Variants in AGBL3 observed in about 807,000 individuals in gnomAD.
The protein encoded by AGBL3 is cytosolic carboxypeptidase 3.
In AGBL3, 68 loss-of-function variants were observed where a neutral mutation model predicts 94.5. That is an observed-to-expected ratio of 0.72 (90% CI 0.59 to 0.88). The LOEUF (loss-of-function observed/expected upper bound fraction) is 0.88, where lower values mean the gene tolerates loss of function less well. Ranked by LOEUF, AGBL3 falls within the 40% of genes least tolerant of loss-of-function variation. The pLI is 0.00. For synonymous variants in AGBL3, 354 were observed against 370.7 expected (o/e 0.95, Z 0.52); for missense variants, 934 against 1,103.8 (o/e 0.85, Z 2.18).
rs376054808 is a variant in AGBL3 at position 135,035,240 on chromosome 7, C to G, written c.1337+312C>G. 1.4e-4 allele frequency among the ~76,000 whole-genome samples: 22 copies of G among 151,980 alleles called. No homozygotes were observed. In the South Asian group the frequency reaches 4.1e-3, roughly 29 times the overall value. On this transcript the variant is annotated intron_variant, in intron 7 of 16. Transcript: ENST00000436302. ...GGCTTCTTGCTAAAGATAATGGTAG[C>G]ACTGATGTTTAAAATAATTTTTTTA...
intron 11 of AGBL3, among the ~76,000 whole-genome samples, chr7:135,049,242 T>C (rs1332403829): frequency 6.6e-6 from 1 of 152,008 alleles, no homozygotes; most frequent in East Asian, 1.9e-4. Context: ...TTTGCATATA[T>C]TGAACCATAC....
intron 15 of AGBL3, among the ~76,000 whole-genome samples, chr7:135,089,070 T>C (rs1821564944): frequency 2.5e-5 from 1 of 39,760 alleles, no homozygotes; most frequent in Non-Finnish European, 6.5e-5. Context: ...TTTTCATTCT[T>C]TTTTTTTTTC....
intron 7 of AGBL3, 31 bp from the exon 8 acceptor site, chr7:135,037,387 A>G: frequency 6.6e-7 from 1 of 1,516,692 alleles, no homozygotes; most frequent in South Asian, 1.3e-5. Context: ...TGCAGAGATA[A>G]AAGTTAGTAA....
chr7:135,096,789 AAG>A (rs1387222478), intron 15 of AGBL3, among the ~76,000 whole-genome samples: 1 of 150,142 alleles, frequency 6.7e-6, no homozygotes, highest in Non-Finnish European at 1.5e-5. Context: ...GAAAGAAAGA[AAG>A]AAAAAGGGAA....
intron 8 of AGBL3, among the ~76,000 whole-genome samples, chr7:135,043,630 T>C (rs1431381821): frequency 6.6e-6 from 1 of 152,150 alleles, no homozygotes; most frequent in African/African-American, 2.4e-5. Context: ...AGGTGATGGA[T>C]ACCCCATTTA....
chr7:135,065,364 T>C (rs984230260), intron 12 of AGBL3, among the ~76,000 whole-genome samples: 4 of 152,212 alleles, frequency 2.6e-5, no homozygotes, highest in Non-Finnish European at 5.9e-5. Flanking sequence ...AGAGCCTGAA[T>C]AGCTAAAGCA....
At chr7:135,008,546 G>T (rs1050981290) in intron 4 of AGBL3, among the ~76,000 whole-genome samples, 1 of 151,488 alleles carries the variant, frequency 6.6e-6, no homozygotes, top group African/African-American at 2.4e-5. Flanking sequence ...AGGAAACATA[G>T]AGGCAAATCT....
At chr7:135,002,097 GT>G (rs1175557202) in intron 4 of AGBL3, among the ~76,000 whole-genome samples, 8 of 152,122 alleles carry the variant, frequency 5.3e-5, no homozygotes, top group Admixed American at 5.2e-4. Flanking sequence ...GTGAGTCAGG[GT>G]AATTCTAGTG....
chr7:135,060,254 T>C (rs555662833), intron 12 of AGBL3, among the ~76,000 whole-genome samples: 2 of 151,422 alleles, frequency 1.3e-5, no homozygotes, highest in South Asian at 2.1e-4. Flanking sequence ...GTGTCATCAT[T>C]CTTCAATTCA....
intron 12 of AGBL3, among the ~76,000 whole-genome samples, chr7:135,072,947 T>A (rs548960658): frequency 2.6e-5 from 4 of 151,942 alleles, no homozygotes; most frequent in East Asian, 3.9e-4. Context: ...TTAAAAAAAA[T>A]TTCAAAACAA....
At chr7:135,132,118 T>G (rs935935643) in intron 16 of AGBL3, among the ~76,000 whole-genome samples, 2 of 152,208 alleles carry the variant, frequency 1.3e-5, no homozygotes, top group African/African-American at 4.8e-5. Context: ...ATACCAATTC[T>G]ATACAATTTC....
intron 16 of AGBL3, 131 bp from the exon 17 acceptor site, chr7:135,134,709 TA>T: frequency 1.2e-6 from 1 of 855,014 alleles, no homozygotes; most frequent in Non-Finnish European, 1.7e-6. Context: ...TAAATGATGG[TA>T]AAATTCTTAA....
chr7:134,995,575 A>G (rs1235676607), intron 4 of AGBL3: 1 of 152,170 alleles, frequency 6.6e-6, no homozygotes, highest in African/African-American at 2.4e-5. Flanking sequence ...AATTCTAAAT[A>G]TAGTTTCTAA....
chr7:135,095,286 C>T (rs894028080), intron 15 of AGBL3, among the ~76,000 whole-genome samples: 7 of 152,238 alleles, frequency 4.6e-5, no homozygotes, highest in African/African-American at 7.2e-5. Flanking sequence ...TACTTCCTCT[C>T]CCCCATACCT....
At chr7:134,989,215 T>G in intron 2 of AGBL3, 35 bp from the exon 3 acceptor site, 1 of 1,494,466 alleles carries the variant, frequency 6.7e-7, no homozygotes. Flanking sequence ...ACTGTTGGTT[T>G]TTAAAAGAGA....
At chr7:135,035,040 T>C (rs1408411005) in intron 7 of AGBL3, 112 bp downstream of exon 7, 12 of 956,130 alleles carry the variant, frequency 1.3e-5, no homozygotes, top group Non-Finnish European at 1.8e-5. Context: ...GTCTAACTAC[T>C]GTATAACTAC....
intron 15 of AGBL3, among the ~76,000 whole-genome samples, chr7:135,098,457 A>G (rs62479693): frequency 0.051 from 7,761 of 152,278 alleles, 282 homozygotes; most frequent in Middle Eastern, 0.18. Flanking sequence ...CGTGTTTGGT[A>G]CAGATGCATT....
intron 4 of AGBL3, among the ~76,000 whole-genome samples, chr7:134,997,712 A>T (rs546284158): frequency 6.8e-4 from 104 of 152,298 alleles, no homozygotes; most frequent in African/African-American, 2.3e-3. Context: ...ACTCTTAATG[A>T]GGCAAGGTAT....
intron 11 of AGBL3, among the ~76,000 whole-genome samples, chr7:135,048,662 T>C (rs1346009340): frequency 1.3e-5 from 2 of 151,846 alleles, no homozygotes; most frequent in Non-Finnish European, 2.9e-5. Flanking sequence ...TTTCAGGTAG[T>C]TCATTATTAG....
Sources: gnomAD v4.1 joint callset for allele counts (sites outside exome capture counted in the v4.1 genomes callset) on GRCh38, gnomAD v4.1.1 for gene constraint, MANE v1.5 for transcripts, NCBI Gene and HGNC (gene_info 2026-07-23, HGNC 2026-07-21) for gene names.